The following NRXN3 variants were observed in gnomAD, a reference collection of about 807,000 sequenced individuals.
NRXN3 encodes the protein neurexin 3, also known as neurexin III.
NRXN3 carries 32 observed loss-of-function variants against 137.6 expected under a neutral mutation model. The ratio of observed to expected loss-of-function variants is 0.23; its 90% CI spans 0.18 to 0.31. The LOEUF (loss-of-function observed/expected upper bound fraction) is 0.31. Among genes scored for constraint, NRXN3 ranks in the 10% least tolerant of loss-of-function variants. NRXN3 has a pLI of 1.00. For synonymous variants in NRXN3, 798 were observed against 784.5 expected (o/e 1.02, Z -0.29); for missense variants, 1,574 against 2,062.5 (o/e 0.76, Z 4.59).
At position 78,846,407 on chromosome 14, in the gene NRXN3, G is replaced by A. The variant is rs542358397; in HGVS notation, c.2275+36063G>A. Among the ~76,000 whole-genome samples the A allele has an allele frequency of 2.0e-4, 31 of 152,128 alleles. 1 individual carries two copies. The highest frequency in any genetic ancestry group is 1.0e-3 in the South Asian group (5 of 4,818). ...TACAATGTAGTGGAGAACTGCATAC[G>A]GTTAATTATGACAATTACAATCAGT... On this transcript the variant is annotated intron_variant, in intron 10 of 20. Coordinates refer to ENST00000335750, the MANE Select transcript of NRXN3 (RefSeq NM_001330195.2).
At chr14:79,329,668 C>T (rs530564800) in intron 15 of NRXN3, among the ~76,000 whole-genome samples, 1 of 152,242 alleles carries the variant, frequency 6.6e-6, no homozygotes, top group South Asian at 2.1e-4. Context: ...TAGGCAAAAA[C>T]ATGGAGATGA....
At chr14:79,143,972 C>T (rs1463086683) in intron 15 of NRXN3, among the ~76,000 whole-genome samples, 1 of 152,056 alleles carries the variant, frequency 6.6e-6, no homozygotes, top group African/African-American at 2.4e-5. Context: ...AATTTAAACT[C>T]ATAAAGGTGG....
rs1014560785 is a variant in NRXN3 at position 78,762,074 on chromosome 14, A to G, written c.2045-41546A>G. 2.0e-5 allele frequency among the ~76,000 whole-genome samples: 3 copies of G among 152,200 alleles called. No homozygotes were observed. In the East Asian group the frequency reaches 5.8e-4, roughly 29 times the overall value. On this transcript the variant is annotated intron_variant, in intron 8 of 20. Transcript: ENST00000335750. ...AGCAAGTGTTTAAACGTTGACACTC[A>G]GATCTCTTACTCCAAAGACCATTCT... is the stretch of plus-strand genomic sequence containing the variant.
At chr14:79,419,012 G>C (rs553021148) in intron 15 of NRXN3, among the ~76,000 whole-genome samples, 2 of 152,326 alleles carry the variant, frequency 1.3e-5, no homozygotes, top group South Asian at 4.1e-4. Context: ...AGGCATGGAT[G>C]AAAATCGAAC....
At chr14:78,807,458 C>G (rs938495112) in intron 9 of NRXN3, among the ~76,000 whole-genome samples, 6 of 152,080 alleles carry the variant, frequency 3.9e-5, no homozygotes, top group Admixed American at 6.6e-5. Context: ...TGGCCAGGCA[C>G]CTTAATCTAA....
intron 10 of NRXN3, among the ~76,000 whole-genome samples, chr14:78,883,002 T>G (rs1046944738): frequency 6.6e-6 from 1 of 152,168 alleles, no homozygotes; most frequent in Non-Finnish European, 1.5e-5. Flanking sequence ...CTGATGATTT[T>G]ATAAGGAGGT....
At chr14:78,265,330 A>T (rs1181642464) in intron 2 of NRXN3, among the ~76,000 whole-genome samples, 1 of 152,164 alleles carries the variant, frequency 6.6e-6, no homozygotes, top group African/African-American at 2.4e-5. Flanking sequence ...ACCCAAAACC[A>T]GTGGTGGTAG....
At chr14:78,206,090 T>C (rs2153403578) in intron 1 of NRXN3, among the ~76,000 whole-genome samples, 1 of 152,334 alleles carries the variant, frequency 6.6e-6, no homozygotes, top group Admixed American at 6.5e-5. Flanking sequence ...GAATCCAGGT[T>C]GGGGCATATT....
chr14:79,431,278 TG>T (rs2153552766), intron 15 of NRXN3, among the ~76,000 whole-genome samples: 1 of 152,310 alleles, frequency 6.6e-6, no homozygotes, highest in East Asian at 1.9e-4. Context: ...GTCTGAGAAT[TG>T]GTTAGGTATA....
chr14:79,288,635 T>C (rs555837381), intron 15 of NRXN3, among the ~76,000 whole-genome samples: 1 of 152,320 alleles, frequency 6.6e-6, no homozygotes, highest in Admixed American at 6.5e-5. Flanking sequence ...CAGAAAACTC[T>C]TGGTCTTTCT....
chr14:78,453,529 C>T (rs2094601630), intron 4 of NRXN3, among the ~76,000 whole-genome samples: 1 of 152,210 alleles, frequency 6.6e-6, no homozygotes, highest in Non-Finnish European at 1.5e-5. Context: ...CCCACTCAAC[C>T]AAGATAATTA....
At chr14:78,578,491 T>A (rs1002726138) in intron 4 of NRXN3, among the ~76,000 whole-genome samples, 6 of 152,096 alleles carry the variant, frequency 3.9e-5, no homozygotes, top group Non-Finnish European at 8.8e-5. Flanking sequence ...TTGAAATGAG[T>A]CTTTAGTTTG....
chr14:79,854,078 C>A (rs2099397383), intron 20 of NRXN3: 10 of 983,956 alleles, frequency 1.0e-5, no homozygotes, highest in South Asian at 9.4e-5. Context: ...AGACATTTTG[C>A]TCAAAAGTTT....
chr14:78,294,022 G>A (rs1246211061), intron 3 of NRXN3, among the ~76,000 whole-genome samples: 1 of 152,136 alleles, frequency 6.6e-6, no homozygotes, highest in African/African-American at 2.4e-5. Context: ...TCCAAGACCT[G>A]TTAAAAATTC....
chr14:79,695,260 C>T (rs954963928), intron 18 of NRXN3, among the ~76,000 whole-genome samples: 3 of 151,968 alleles, frequency 2.0e-5, no homozygotes, highest in Non-Finnish European at 1.5e-5. Context: ...GGCATAATAA[C>T]ACCACTGGAG....
chr14:79,380,508 C>T (rs1467399131), intron 15 of NRXN3, among the ~76,000 whole-genome samples: 1 of 152,074 alleles, frequency 6.6e-6, no homozygotes, highest in African/African-American at 2.4e-5. Flanking sequence ...TCATCCATGT[C>T]CCTACAAAGG....
intron 4 of NRXN3, among the ~76,000 whole-genome samples, chr14:78,508,667 TAA>T (rs75732397): frequency 6.7e-6 from 1 of 148,374 alleles, no homozygotes; most frequent in African/African-American, 2.5e-5. Context: ...TTTAAAATGT[TAA>T]AAAAAAAAGT....
rs377568305 is a variant in NRXN3, at chr14:79,416,028, C to G, written c.3263-51193C>G. 9.9e-5 allele frequency among the ~76,000 whole-genome samples: 15 copies of G among 152,184 alleles called. No individual in the cohort carries two copies. In the South Asian group the frequency reaches 1.5e-3, roughly 15 times the overall value. On this transcript the variant is annotated intron_variant, in intron 15 of 20. Transcript: ENST00000335750. Reference sequence around the variant, plus strand: ...TAATTGGGTAGAGGAGGCAGCATATCAGAATCATTATGAAGCTTAAAATAA... The same window carrying G: ...TAATTGGGTAGAGGAGGCAGCATATGAGAATCATTATGAAGCTTAAAATAA...
intron 15 of NRXN3, among the ~76,000 whole-genome samples, chr14:79,402,521 A>G (rs530257927): frequency 3.3e-4 from 51 of 152,332 alleles, no homozygotes; most frequent in African/African-American, 1.1e-3. Flanking sequence ...TTGAATTAGC[A>G]TAAGTAAAAT....
Sources: gnomAD v4.1 joint callset for allele counts (sites outside exome capture counted in the v4.1 genomes callset) on GRCh38, gnomAD v4.1.1 for gene constraint, MANE v1.5 for transcripts, NCBI Gene and HGNC (gene_info 2026-07-23, HGNC 2026-07-21) for gene names.